The following GJA9 variants were observed in gnomAD, a reference collection of about 807,000 sequenced individuals.
GJA9 encodes gap junction protein alpha 9, also known as gap junction alpha-9 protein.
A neutral mutation model predicts 0.4 loss-of-function variants in GJA9; 1 was observed. The ratio of observed to expected loss-of-function variants is 2.50; its 90% CI spans 0.89 to 11.88. The LOEUF (loss-of-function observed/expected upper bound fraction) is 11.88, where lower values mean the gene tolerates loss of function less well. GJA9 is among the 30% of genes most tolerant of loss of function. The pLI, the probability that GJA9 is intolerant of heterozygous loss-of-function variation, is 0.12. For synonymous variants in GJA9, 190 were observed against 219.1 expected, an observed-to-expected ratio of 0.87 and a Z score of 1.17; for missense variants, 550 against 602.8, an observed-to-expected ratio of 0.91 and a Z score of 0.92.
chr1:38,879,852 C>A (rs1274245352), intron 1 of GJA9, among the ~76,000 whole-genome samples: 1 of 151,924 alleles, frequency 6.6e-6, no homozygotes, highest in Non-Finnish European at 1.5e-5. Context: ...TCAGCCTCTC[C>A]GGGTAGCTGG....
Position 38,876,908 on chromosome 1 carries a change from G to A in GJA9, c.-95-715C>T, listed in dbSNP as rs113241075. Among the ~76,000 whole-genome samples the A allele has an allele frequency of 4.6e-5, 7 of 151,974 alleles. No individual in the cohort carries two copies. The East Asian group carries it at 1.4e-3, about 30-fold the overall frequency. Reference sequence around the variant, plus strand: ...CTCGGGAGGCTGAGGCAAGAGAATCGCTTGAACCTGGAAGGCAGAGGTTGC... The same window carrying A: ...CTCGGGAGGCTGAGGCAAGAGAATCACTTGAACCTGGAAGGCAGAGGTTGC... On this transcript the variant is annotated intron_variant, in intron 1 of 1. Transcript: ENST00000357771.
chr1:38,879,349 G>GT (rs1173774014), intron 1 of GJA9, among the ~76,000 whole-genome samples: 3 of 152,150 alleles, frequency 2.0e-5, no homozygotes, highest in African/African-American at 7.2e-5. Flanking sequence ...AAAGGGAACT[G>GT]TTACACAATC....
In GJA9 at chr1:38,876,207, A is replaced by C. The variant is rs192931754; in HGVS notation, c.-95-14T>G. 754 of 844,836 alleles carry C rather than the reference A, an allele frequency of 8.9e-4. 7 individuals are homozygous for C. In the African/African-American group the frequency reaches 0.012, roughly 13 times the overall value. 52.3% of individuals were successfully genotyped at this position (844,836 alleles called of 1,614,324 possible). On this transcript the variant is annotated splice_polypyrimidine_tract_variant and intron_variant, in intron 1 of 1. Transcript: ENST00000357771. ...CTTAAAGCAAACCTATGGTGAAAAT[A>C]TAACAATATGTCACTTCTATATGCT...
chr1:38,875,705 A>T lies in GJA9; in HGVS notation c.394T>A (p.Leu132Met). Residue 132 changes from leucine to methionine, a missense_variant, in exon 2 of 2, where the codon TTG (leucine) becomes ATG (methionine). Leu to Met is a conservative substitution (Grantham distance 15, BLOSUM62 2). Transcript: ENST00000357771. ...TCCAGCTGACAAAGCTCTTGCTCCA[A>T]TCTCCTCCGATCCCTAGGCATTTCA... ...EFEMPRDRRR[L>M]EQELCQLEKR... The T allele has an allele frequency of 6.2e-7, 1 of 1,614,168 alleles. No individual in the cohort carries two copies. The highest frequency in any genetic ancestry group is 2.2e-5 in the East Asian group (1 of 44,890).
At position 38,875,412 on chromosome 1, in the gene GJA9, T is replaced by A; in HGVS notation, c.687A>T (p.Glu229Asp). 6.2e-7 allele frequency: 1 copy of A among 1,613,632 alleles called. No individual in the cohort carries two copies. The highest frequency in any genetic ancestry group is 8.5e-7 in the Non-Finnish European group (1 of 1,179,876). Residue 229 changes from glutamate (E) to aspartate (D), a missense_variant, in exon 2 of 2, where the codon GAA becomes GAT. By Grantham distance (45) the Glu-to-Asp change is conservative. Transcript: ENST00000357771. Reference protein sequence around the residue: ...ATISLFLNILEIFHLGFKKIK... With the variant: ...ATISLFLNILDIFHLGFKKIK... ...TCTTTTTAAAACCTAGGTGGAAAATTTCAAGAATGTTTAAGAAAAGTGAAA... is the reference window on the plus strand; with the variant it reads ...TCTTTTTAAAACCTAGGTGGAAAATATCAAGAATGTTTAAGAAAAGTGAAA...
At position 38,878,070 on chromosome 1, in the gene GJA9, A is replaced by T. The variant is rs144140839; in HGVS notation, c.-95-1877T>A. 2.2e-3 allele frequency among the ~76,000 whole-genome samples: 316 copies of T among 146,676 alleles called. 3 individuals are homozygous for T. The highest frequency in any genetic ancestry group is 0.018 in the Admixed American group (257 of 14,020). ...ATTATACTTTACTATGAAAAAGTAT[A>T]CTTTTTTTCTTTTTTTTTGGTGGGG... On this transcript the variant is annotated intron_variant, in intron 1 of 1. Coordinates refer to ENST00000357771, the MANE Select transcript of GJA9 (RefSeq NM_030772.5).
At chr1:38,876,372 C>A in intron 1 of GJA9, 179 bp from the exon 2 acceptor site, 1 of 415,078 alleles carries the variant, frequency 2.4e-6, no homozygotes, top group Non-Finnish European at 4.4e-6. Flanking sequence ...CTCCCAGACT[C>A]AAGCGATCAT....
At chr1:38,878,550 A>ATC (rs1642633163) in intron 1 of GJA9, among the ~76,000 whole-genome samples, 1 of 150,418 alleles carries the variant, frequency 6.6e-6, no homozygotes, top group Non-Finnish European at 1.5e-5. Flanking sequence ...GGTGGCAGGC[A>ATC]TCTGTAACCC....
chr1:38,881,466 A>G lies in GJA9; in HGVS notation c.-130T>C. 1.4e-6 allele frequency: 1 copy of G among 701,974 alleles called. No individual in the cohort carries two copies. The highest frequency in any genetic ancestry group is 2.6e-6 in the Non-Finnish European group (1 of 384,632). 43.5% of individuals were successfully genotyped at this position (701,974 alleles called of 1,614,324 possible). ...TTTAGGTAAATCTGAGAAGCAAACC[A>G]TGTTTAGAAGTTACAGCATGGCCAT... On this transcript the variant is annotated 5_prime_UTR_variant, in exon 1 of 2. It removes an upstream start codon present in the reference 5' UTR. Coordinates refer to ENST00000357771, the MANE Select transcript of GJA9 (RefSeq NM_030772.5).
At position 38,874,869 on chromosome 1, in the gene GJA9, G is replaced by A. The variant is rs1432476426; in HGVS notation, c.1230C>T (p.Ser410=). The part of the protein sequence containing the change: ...NMRQSPQTVF[S]LPANCDWKPR... ...GTTTCCAATCGCAGTTAGCTGGCAA[G>A]GAGAAAACTGTTTGGGGTGACTGCC... Residue 410 remains serine, a synonymous_variant, in exon 2 of 2, where the codon TCC becomes TCT. Transcript: ENST00000357771. 6.2e-7 allele frequency: 1 copy of A among 1,614,170 alleles called. No homozygotes were observed. The highest frequency in any genetic ancestry group is 1.1e-5 in the South Asian group (1 of 91,086).
In GJA9 at chr1:38,875,812, G is replaced by A. The variant is rs761878672; in HGVS notation, c.287C>T (p.Ala96Val). ...SSPSLVYMGH[A>V]LYRLRVLEEE... ...CTCAAGAACTCTCAGTCGGTACAAT[G>A]CATGGCCCATGTAGACCAGGGATGG... is the stretch of plus-strand genomic sequence containing the variant. The change falls in exon 2 of 2, where the codon GCA becomes GTA. Residue 96 changes from alanine to valine, a missense_variant. Coordinates refer to ENST00000357771, the MANE Select transcript of GJA9 (RefSeq NM_030772.5). 6.2e-7 allele frequency: 1 copy of A among 1,614,216 alleles called. No homozygotes were observed. The highest frequency in any genetic ancestry group is 1.1e-5 in the South Asian group (1 of 91,090).
At position 38,880,413 on chromosome 1, in the gene GJA9, A is replaced by AAAAAAAAAT. The variant is rs1408571116; in HGVS notation, c.-96+1018_-96+1019insATTTTTTTT. On this transcript the variant is annotated intron_variant, in intron 1 of 1. Coordinates refer to ENST00000357771, the MANE Select transcript of GJA9 (RefSeq NM_030772.5). ...GCAAGACTCTGTCTCAAAAAAAAAT[A>AAAAAAAAAT]AATAATAATAATAATAATAATAATA... Among the ~76,000 whole-genome samples, 261 of 119,772 alleles carry AAAAAAAAAT rather than the reference A, an allele frequency of 2.2e-3. 12 individuals are homozygous for AAAAAAAAAT. The highest frequency in any genetic ancestry group is 4.7e-3 in the Middle Eastern group (1 of 212). The allele number at this position is 119,772 out of a possible 152,430, so 78.6% of individuals were successfully genotyped here.
chr1:38,880,413 A>AAATAAT lies in GJA9; in HGVS notation c.-96+1013_-96+1018dup, dbSNP rs201524082. 3.7e-3 allele frequency among the ~76,000 whole-genome samples: 441 copies of AAATAAT among 119,772 alleles called. 9 individuals are homozygous for AAATAAT. The highest frequency in any genetic ancestry group is 9.8e-3 in the African/African-American group (339 of 34,496). 78.6% of individuals were successfully genotyped at this position (119,772 alleles called of 152,430 possible). ...GCAAGACTCTGTCTCAAAAAAAAAT[A>AAATAAT]AATAATAATAATAATAATAATAATA... On this transcript the variant is annotated intron_variant, in intron 1 of 1. Coordinates refer to ENST00000357771, the MANE Select transcript of GJA9 (RefSeq NM_030772.5).
In GJA9 at chr1:38,875,347, TC is replaced by T; in HGVS notation, c.751del (p.Glu251AsnfsTer14). 1 of 1,614,218 alleles carries T rather than the reference TC, an allele frequency of 6.2e-7. No individual in the cohort carries two copies. Among genetic ancestry groups the T allele is most frequent in the South Asian group, 1.1e-5 (1 of 91,084 alleles). ...CTTGTTTGCATGGAATTCATTATGTTCCTTCTTCAACTTGTATTTTCCCCAA... is the reference window on the plus strand; with the variant it reads ...CTTGTTTGCATGGAATTCATTATGTTCTTCTTCAACTTGTATTTTCCCCAA... ...GLWGKYKLKK[E>X]HNEFHANKAK... is the part of the protein sequence containing the mutation. On this transcript the variant is annotated frameshift_variant, in exon 2 of 2. Transcript: ENST00000357771. LOFTEE classifies it low-confidence loss of function (END_TRUNC).
At position 38,874,510 on chromosome 1, in the gene GJA9, T is replaced by C; in HGVS notation, c.*41A>G. The C allele has an allele frequency of 6.7e-7, 1 of 1,503,178 alleles. No homozygotes were observed. The allele number at this position is 1,503,178 out of a possible 1,614,324, so 93.1% of individuals were successfully genotyped here. A position where few individuals can be genotyped will look rare whatever the true frequency, so the allele number is the denominator to read the frequency against. ...CTGTGCCCCACGACCACTAGGCTAC[T>C]TCTCTGATAATATATATAATGTCTA... On this transcript the variant is annotated 3_prime_UTR_variant, in exon 2 of 2. Transcript: ENST00000357771.
chr1:38,879,905 A>G (rs1451468328), intron 1 of GJA9, among the ~76,000 whole-genome samples: 3 of 150,754 alleles, frequency 2.0e-5, no homozygotes, highest in East Asian at 2.0e-4. Context: ...TTTTTTTGTT[A>G]TTTTTAGTAG....
At position 38,875,723 on chromosome 1, in the gene GJA9, G is replaced by A. The variant is rs1390177055; in HGVS notation, c.376C>T (p.Pro126Ser). 1.2e-6 allele frequency: 2 copies of A among 1,614,176 alleles called. No homozygotes were observed. Among genetic ancestry groups the A allele is most frequent in the Admixed American group, 3.3e-5 (2 of 60,014 alleles). Residue 126 changes from proline to serine, a missense_variant, in exon 2 of 2, where the codon CCT becomes TCT. Transcript: ENST00000357771. ...TGCTCCAATCTCCTCCGATCCCTAG[G>A]CATTTCAAACTCTACCTCCTCCAGT... ...VELEEVEFEM[P>S]RDRRRLEQEL...
Position 38,875,981 on chromosome 1 carries a change from C to T in GJA9, c.118G>A (p.Ala40Thr). 1 of 1,614,224 alleles carries T rather than the reference C, an allele frequency of 6.2e-7. No individual in the cohort carries two copies. The highest frequency in any genetic ancestry group is 8.5e-7 in the Non-Finnish European group (1 of 1,180,034). Reference sequence around the variant, plus strand: ...TCATCATTCCAGACATCTTCAGCTGCTACACCCAGAACAAGCATTCGAAAT... The same window carrying T: ...TCATCATTCCAGACATCTTCAGCTGTTACACCCAGAACAAGCATTCGAAAT... ...FIFRMLVLGV[A>T]AEDVWNDEQS... The change falls in exon 2 of 2, where the codon GCA (alanine) becomes ACA (threonine). Residue 40 changes from alanine to threonine, a missense_variant. Transcript: ENST00000357771.
At chr1:38,876,767 T>C (rs956802940) in intron 1 of GJA9, among the ~76,000 whole-genome samples, 4 of 149,838 alleles carry the variant, frequency 2.7e-5, no homozygotes, top group African/African-American at 9.8e-5. Context: ...CCAAGGTGGG[T>C]GGATCATTTG....
Sources: gnomAD v4.1 joint callset for allele counts (sites outside exome capture counted in the v4.1 genomes callset) on GRCh38, gnomAD v4.1.1 for gene constraint, MANE v1.5 for transcripts, NCBI Gene and HGNC (gene_info 2026-07-23, HGNC 2026-07-21) for gene names.